Variants in MYO7B observed in about 807,000 individuals in gnomAD.
MYO7B encodes myosin VIIB.
Under a neutral mutation model 259.7 loss-of-function variants are expected in MYO7B, and 212 were observed. The observed-to-expected ratio is 0.82, with a 90% CI of 0.73 to 0.91. The LOEUF is 0.91. Ranked by LOEUF, MYO7B falls within the 40% of genes least tolerant of loss-of-function variation. The pLI is 0.00. For missense variants in MYO7B, 2,732 were observed against 2,813.5 expected (o/e 0.97, Z 0.66); for synonymous variants, 1,197 against 1,166.4 (o/e 1.03, Z -0.54).
At chr2:127,563,451 G>A (rs1202748227) in intron 2 of MYO7B, among the ~76,000 whole-genome samples, 1 of 152,186 alleles carries the variant, frequency 6.6e-6, no homozygotes, top group Non-Finnish European at 1.5e-5. Flanking sequence ...GGGTACTGCA[G>A]AGCTTTTCAC....
intron 41 of MYO7B, 122 bp from the exon 42 acceptor site, chr2:127,634,474 C>T (rs748372204): frequency 4.8e-4 from 451 of 946,070 alleles, no homozygotes; most frequent in Middle Eastern, 2.9e-3. Flanking sequence ...CAATAGCCCA[C>T]GCACAGCCGA....
rs1053270143 is a variant in MYO7B, at chr2:127,597,120, A to G, written c.2339+564A>G. 3.3e-5 allele frequency among the ~76,000 whole-genome samples: 5 copies of G among 152,230 alleles called. No individual in the cohort carries two copies. The highest frequency in any genetic ancestry group is 2.9e-5 in the Non-Finnish European group (2 of 68,046). ...AGAGCAGGGCAGGGAGCAGGGAGCT[A>G]GGGCCCACAGCTAGAGAGGCAGCTG... On this transcript the variant is annotated intron_variant, in intron 19 of 47. Transcript: ENST00000409816. The surrounding 1 kb of genome is among the most constrained non-coding windows in gnomAD (Gnocchi z 4.8).
intron 27 of MYO7B, among the ~76,000 whole-genome samples, chr2:127,621,307 A>G (rs1680830991): frequency 7.6e-6 from 1 of 131,116 alleles, no homozygotes; most frequent in Non-Finnish European, 1.6e-5. Flanking sequence ...TCTGTCGCCC[A>G]GGCCAGAGTG....
At chr2:127,565,115 C>T (rs1678274490) in intron 3 of MYO7B, 118 bp from the exon 4 acceptor site, 1 of 1,322,848 alleles carries the variant, frequency 7.6e-7, no homozygotes, top group Admixed American at 2.1e-5. Context: ...TGCCCCAGGT[C>T]AGCTGATCCA....
At chr2:127,623,468 C>T (rs1680942830) in intron 29 of MYO7B, 93 bp downstream of exon 29, 4 of 1,306,030 alleles carry the variant, frequency 3.1e-6, no homozygotes, top group East Asian at 5.2e-5. Context: ...TCCAGCCCGG[C>T]CACCACCTAC....
intron 19 of MYO7B, 105 bp from the exon 20 acceptor site, chr2:127,605,739 C>T: frequency 3.2e-6 from 3 of 947,094 alleles, no homozygotes; most frequent in Non-Finnish European, 4.9e-6. Flanking sequence ...TTCATTTTTC[C>T]CAATATTTCA....
Position 127,566,824 on chromosome 2 carries a change from T to A in MYO7B, c.467T>A (p.Ile156Asn). 1 of 1,608,352 alleles carries A rather than the reference T, an allele frequency of 6.2e-7. No homozygotes were observed. The highest frequency in any genetic ancestry group is 8.5e-7 in the Non-Finnish European group (1 of 1,179,130). Reference sequence around the variant, plus strand: ...AACAAGAGGGACCAGTGCTGCATCATCAGGTGAGGCAGAGGGGTCAGGCAC... The same window carrying A: ...AACAAGAGGGACCAGTGCTGCATCAACAGGTGAGGCAGAGGGGTCAGGCAC... ...KRNKRDQCCI[I>N]SGESGAGKTE... The change falls in exon 5 of 48, where the codon ATC becomes AAC. Residue 156 changes from isoleucine to asparagine, a missense_variant. By Grantham distance (149) the Ile-to-Asn change is moderately radical. This residue lies in a region of MYO7B where 1,906 missense variants were observed against 2,026.4 expected (regional missense o/e 0.94). Transcript: ENST00000409816.
chr2:127,622,140 G>A (rs2105080988), intron 28 of MYO7B, 39 bp downstream of exon 28: 2 of 1,530,426 alleles, frequency 1.3e-6, no homozygotes, highest in East Asian at 2.5e-5. Flanking sequence ...AGGGTGGGGT[G>A]GTGCAGACCC....
intron 26 of MYO7B, among the ~76,000 whole-genome samples, chr2:127,617,497 T>G (rs913421540): frequency 1.1e-4 from 14 of 129,676 alleles, no homozygotes; most frequent in East Asian, 2.4e-4. Context: ...GTTTTTTTTT[T>G]TTTTTTTTTT....
intron 1 of MYO7B, among the ~76,000 whole-genome samples, chr2:127,552,516 T>C (rs1373181583): frequency 1.3e-5 from 2 of 151,958 alleles, no homozygotes; most frequent in Non-Finnish European, 2.9e-5. Context: ...AGGCAAGCCA[T>C]GGAGTGGGGG....
chr2:127,611,081 G>A lies in MYO7B; in HGVS notation c.3192+1065G>A, dbSNP rs141975851. On this transcript the variant is annotated intron_variant, in intron 24 of 47. Transcript: ENST00000409816. The surrounding 1 kb of genome is among the most constrained non-coding windows in gnomAD (Gnocchi z 5.4). The stretch of plus-strand genomic sequence containing the variant: ...CCCCTGGGGATGGTGTCATCTGAAA[G>A]CTTGACAGCTGGAGGGGCTGCTCCT... Among the ~76,000 whole-genome samples, 161 of 152,356 alleles carry A rather than the reference G, an allele frequency of 1.1e-3. No homozygotes were observed. The highest frequency in any genetic ancestry group is 3.7e-3 in the African/African-American group (154 of 41,590).
intron 40 of MYO7B, among the ~76,000 whole-genome samples, chr2:127,633,619 C>G (rs1309333429): frequency 6.6e-6 from 1 of 152,186 alleles, no homozygotes; most frequent in East Asian, 1.9e-4. Flanking sequence ...GAGGGGTGGG[C>G]AGCAAGGGTG....
rs1238933898 is a variant in MYO7B at position 127,585,617 on chromosome 2, A to G, written c.1690+704A>G. Among the ~76,000 whole-genome samples the G allele has an allele frequency of 1.3e-5, 2 of 152,164 alleles. No individual in the cohort carries two copies. The highest frequency in any genetic ancestry group is 2.9e-5 in the Non-Finnish European group (2 of 68,038). On this transcript the variant is annotated intron_variant, in intron 14 of 47. Transcript: ENST00000409816. The surrounding 1 kb of genome is among the most constrained non-coding windows in gnomAD (Gnocchi z 4.3). Reference sequence around the variant, plus strand: ...CCTAGCAGCAGAATTGCTGTGTCATATGATAACTCTATGTTTAACTGTTTG... The same window carrying G: ...CCTAGCAGCAGAATTGCTGTGTCATGTGATAACTCTATGTTTAACTGTTTG...
At chr2:127,593,079 TTCCTCCCTCTCTCC>T in intron 17 of MYO7B, 133 bp downstream of exon 17, 2 of 1,175,984 alleles carry the variant, frequency 1.7e-6, no homozygotes. Context: ...AGCCCTGTCC[TTCCTCCCTCTCTCC>T]TCCTCCCACC....
Position 127,636,206 on chromosome 2 carries a change from A to G in MYO7B, c.6007-2A>G. 6.2e-7 allele frequency: 1 copy of G among 1,610,194 alleles called. No homozygotes were observed. Among genetic ancestry groups the G allele is most frequent in the Non-Finnish European group, 8.5e-7 (1 of 1,177,360 alleles). ...GTCCTTACTGGCCCTCCTGTCCCCC[A>G]GAGCATCCTTCTAGCCTATGACAAG... On this transcript the variant is annotated splice_acceptor_variant, in intron 44 of 47. Coordinates refer to ENST00000409816, the MANE Select transcript of MYO7B (RefSeq NM_001393586.1). LOFTEE classifies it high-confidence loss of function. This position sits in a 1 kb window ranked among gnomAD's most constrained non-coding sequence, Gnocchi z 4.5.
In MYO7B at chr2:127,634,163, CCT is replaced by C. The variant is rs1681668269; in HGVS notation, c.5512-8_5512-7del. Reference sequence around the variant, plus strand: ...GCCAGGCCCCGGGCCTCACCAGCTGCCTCTCTGTCCAGATGCTGGAGGTGGTT... The same window carrying C: ...GCCAGGCCCCGGGCCTCACCAGCTGCCTCTGTCCAGATGCTGGAGGTGGTT... On this transcript the variant is annotated splice_polypyrimidine_tract_variant and intron_variant, in intron 40 of 47. Transcript: ENST00000409816. The C allele has an allele frequency of 6.3e-7, 1 of 1,589,412 alleles. No homozygotes were observed. Among genetic ancestry groups the C allele is most frequent in the Admixed American group, 1.8e-5 (1 of 56,414 alleles).
At chr2:127,564,105 G>T in intron 2 of MYO7B, 48 bp from the exon 3 acceptor site, 1 of 1,316,012 alleles carries the variant, frequency 7.6e-7, no homozygotes, top group South Asian at 1.3e-5. Flanking sequence ...CAGCAGGGAG[G>T]GGAAGAGAGA....
At chr2:127,587,129 G>C (rs1400750111) in intron 14 of MYO7B, among the ~76,000 whole-genome samples, 1 of 152,196 alleles carries the variant, frequency 6.6e-6, no homozygotes, top group African/African-American at 2.4e-5. Context: ...GAAAGTGAAA[G>C]AGGAAAGTCA....
At chr2:127,612,105 C>A in intron 24 of MYO7B, 145 bp from the exon 25 acceptor site, 1 of 412,662 alleles carries the variant, frequency 2.4e-6, no homozygotes, top group Non-Finnish European at 4.9e-6. Flanking sequence ...CTCTACCAAG[C>A]TGAGGGACTG....
Sources: gnomAD v4.1 joint callset for allele counts (sites outside exome capture counted in the v4.1 genomes callset) on GRCh38, gnomAD v4.1.1 for gene constraint, gnomAD v4.1.1 regional missense constraint, Gnocchi (gnomAD v3.1) non-coding constraint, MANE v1.5 for transcripts, NCBI Gene and HGNC (gene_info 2026-07-23, HGNC 2026-07-21) for gene names.